CERKL: variants seen among roughly 807,000 people sequenced by gnomAD.
CERKL encodes CERK like autophagy regulator.
CERKL carries 61 observed loss-of-function variants against 63.4 expected under a neutral mutation model. That is an observed-to-expected ratio of 0.96 (90% CI 0.78 to 1.19). The LOEUF is 1.19. Ranked by LOEUF, CERKL falls within the 50% of genes most tolerant of loss-of-function variation. The probability of loss-of-function intolerance (pLI) is 0.00; values close to 1 mark genes in which losing one functional copy is unlikely to be tolerated. For synonymous variants in CERKL, 250 were observed against 230.5 expected (o/e 1.08, Z -0.77); for missense variants, 675 against 655.5 (o/e 1.03, Z -0.33).
rs150252592 is a variant in CERKL, at chr2:181,581,062, T to C, written c.482-7178A>G. Among the ~76,000 whole-genome samples, 343 of 152,326 alleles carry C rather than the reference T, an allele frequency of 2.3e-3. 2 individuals carry two copies. Among genetic ancestry groups the C allele is most frequent in the African/African-American group, 7.7e-3 (319 of 41,582 alleles). ...GGTTTCCTCCTAGTTTCTAGACATA[T>C]AGTCTTCCTCCTAACAGTAGCAATA... On this transcript the variant is annotated intron_variant, in intron 2 of 12. Coordinates refer to ENST00000410087, the MANE Select transcript of CERKL (RefSeq NM_201548.5).
intron 5 of CERKL, among the ~76,000 whole-genome samples, chr2:181,551,641 CAAT>C (rs746526054): frequency 7.9e-5 from 12 of 152,054 alleles, no homozygotes; most frequent in African/African-American, 2.7e-4. Flanking sequence ...ATTAAAAAGT[CAAT>C]AAACAATAGA....
Position 181,604,005 on chromosome 2 carries a change from G to A in CERKL, c.313C>T (p.Arg105Trp), listed in dbSNP as rs149078111. The change falls in exon 2 of 13, where the codon CGG (arginine) becomes TGG (tryptophan). Residue 105 changes from arginine to tryptophan, a missense_variant. Transcript: ENST00000410087. ...CTCTGCTGTTTAACAGAACAACGCC[G>A]TTTCAGTTTCACAGAGAATATGTCT... is the stretch of plus-strand genomic sequence containing the variant. ...LKDIFSVKLK[R>W]RCSVKQQRSG... 9.6e-4 allele frequency: 1,549 copies of A among 1,612,230 alleles called. 11 individuals are homozygous for A. In the African/African-American group the frequency reaches 0.011, roughly 12 times the overall value.
At chr2:181,651,777 G>A (rs1293083253) in intron 1 of CERKL, among the ~76,000 whole-genome samples, 5 of 150,208 alleles carry the variant, frequency 3.3e-5, no homozygotes, top group Non-Finnish European at 7.5e-5. Flanking sequence ...AACCCAAAAT[G>A]CTCCACAAAA....
chr2:181,643,405 A>T (rs1370949594), intron 1 of CERKL, among the ~76,000 whole-genome samples: 1 of 152,208 alleles, frequency 6.6e-6, no homozygotes, highest in Non-Finnish European at 1.5e-5. Flanking sequence ...CACAGATGGG[A>T]GCAGATTATA....
At chr2:181,573,712 G>A in intron 3 of CERKL, 41 bp downstream of exon 3, 2 of 1,586,016 alleles carry the variant, frequency 1.3e-6, no homozygotes, top group Non-Finnish European at 1.7e-6. Context: ...GCTTTTGTAT[G>A]TTTTTGTAGA....
At chr2:181,586,160 G>A (rs1344227680) in intron 2 of CERKL, among the ~76,000 whole-genome samples, 1 of 152,052 alleles carries the variant, frequency 6.6e-6, no homozygotes, top group Admixed American at 6.5e-5. Flanking sequence ...TAGATTGCAA[G>A]AAAATTGATA....
intron 3 of CERKL, among the ~76,000 whole-genome samples, chr2:181,569,447 A>G (rs1688806117): frequency 1.3e-5 from 2 of 152,166 alleles, no homozygotes; most frequent in South Asian, 2.1e-4. Context: ...GGAAGGCTTC[A>G]AGTAGAGCCA....
chr2:181,590,429 T>C (rs1421752943), intron 2 of CERKL, among the ~76,000 whole-genome samples: 1 of 151,986 alleles, frequency 6.6e-6, no homozygotes, highest in East Asian at 1.9e-4. Context: ...TGTGAGCCAC[T>C]GCACCTGGGC....
intron 1 of CERKL, among the ~76,000 whole-genome samples, chr2:181,624,701 G>A (rs1686608080): frequency 6.7e-6 from 1 of 148,176 alleles, no homozygotes; most frequent in Non-Finnish European, 1.5e-5. Flanking sequence ...CAAGGAAGAG[G>A]CAACAGGATT....
intron 10 of CERKL, 87 bp from the exon 11 acceptor site, chr2:181,544,883 A>T: frequency 2.7e-6 from 2 of 738,576 alleles, no homozygotes; most frequent in Non-Finnish European, 4.6e-6. Context: ...TATAACAAGT[A>T]TACTGTTTAC....
chr2:181,582,532 TATA>T lies in CERKL; in HGVS notation c.482-8651_482-8649del, dbSNP rs1459888413. Among the ~76,000 whole-genome samples the T allele has an allele frequency of 2.9e-3, 424 of 148,198 alleles. 3 individuals carry two copies. The highest frequency in any genetic ancestry group is 9.1e-3 in the African/African-American group (357 of 39,314). Reference sequence around the variant, plus strand: ...TATTGTCAACATATATATATATATATATATGTTTTTTTTTTTTGAGATGGAGTC... The same window carrying T: ...TATTGTCAACATATATATATATATATTGTTTTTTTTTTTTGAGATGGAGTC... On this transcript the variant is annotated intron_variant, in intron 2 of 12. Transcript: ENST00000410087.
At chr2:181,589,780 G>A (rs1015838592) in intron 2 of CERKL, among the ~76,000 whole-genome samples, 1 of 152,132 alleles carries the variant, frequency 6.6e-6, no homozygotes, top group Non-Finnish European at 1.5e-5. Flanking sequence ...AAAAGCCAGA[G>A]CCAATAAAGA....
At chr2:181,655,910 C>T (rs1357363479) in intron 1 of CERKL, among the ~76,000 whole-genome samples, 1 of 152,160 alleles carries the variant, frequency 6.6e-6, no homozygotes, top group African/African-American at 2.4e-5. Context: ...GGGAGTATTT[C>T]TCGAGTTTGG....
chr2:181,614,838 T>C (rs190174201), intron 1 of CERKL, among the ~76,000 whole-genome samples: 1 of 152,310 alleles, frequency 6.6e-6, no homozygotes, highest in Admixed American at 6.5e-5. Flanking sequence ...CATACCTTTA[T>C]TGGTAAAAAA....
At chr2:181,592,517 T>C (rs1035865328) in intron 2 of CERKL, among the ~76,000 whole-genome samples, 2 of 152,178 alleles carry the variant, frequency 1.3e-5, no homozygotes, top group East Asian at 1.9e-4. Flanking sequence ...CAGTTACATA[T>C]ACAACCAAGG....
intron 1 of CERKL, among the ~76,000 whole-genome samples, chr2:181,641,268 AAT>A (rs1336070189): frequency 4.7e-5 from 7 of 147,640 alleles, no homozygotes; most frequent in Admixed American, 1.4e-4. Context: ...AAAATATGTT[AAT>A]ATATGTGTGT....
intron 2 of CERKL, among the ~76,000 whole-genome samples, chr2:181,598,079 G>A (rs1213067711): frequency 1.3e-5 from 2 of 152,146 alleles, no homozygotes; most frequent in East Asian, 1.9e-4. Context: ...TTCCCACTGG[G>A]GGCCAGCACA....
chr2:181,538,089 T>C lies in CERKL; in HGVS notation c.*95A>G. The C allele has an allele frequency of 1.2e-6, 1 of 820,800 alleles. No individual in the cohort carries two copies. 50.8% of individuals were successfully genotyped at this position (820,800 alleles called of 1,614,324 possible). A position where few individuals can be genotyped will look rare whatever the true frequency, so the allele number is the denominator to read the frequency against. On this transcript the variant is annotated 3_prime_UTR_variant, in exon 13 of 13. Transcript: ENST00000410087. ...GAAAAATTGTCTTCCATGAAACTGG[T>C]CCCAAAAAGGGTGGGGACCACAGGT...
intron 2 of CERKL, among the ~76,000 whole-genome samples, chr2:181,594,744 A>G (rs1167977144): frequency 6.6e-6 from 1 of 152,210 alleles, no homozygotes; most frequent in Non-Finnish European, 1.5e-5. Context: ...TGCTTTAAAG[A>G]TGATCGACAA....
Sources: allele counts gnomAD v4.1 joint callset (sites outside exome capture counted in the v4.1 genomes callset), GRCh38; gene constraint gnomAD v4.1.1; transcripts MANE v1.5; gene names NCBI Gene and HGNC (gene_info 2026-07-23, HGNC 2026-07-21).